USP40: variants seen among roughly 807,000 people sequenced by gnomAD.
USP40 encodes the protein ubiquitin specific peptidase 40, also known as ubiquitin carboxyl-terminal hydrolase 40.
A neutral mutation model predicts 166.2 loss-of-function variants in USP40; 143 were observed. That is an observed-to-expected ratio of 0.86 (90% CI 0.75 to 0.99). The LOEUF (loss-of-function observed/expected upper bound fraction) is 0.99. Ranked by LOEUF, USP40 falls within the 50% of genes least tolerant of loss-of-function variation. USP40 has a pLI of 0.00. For missense variants in USP40, 1,444 were observed against 1,479.7 expected, an observed-to-expected ratio of 0.98 and a Z score of 0.40; for synonymous variants, 498 against 524.0, an observed-to-expected ratio of 0.95 and a Z score of 0.68.
chr2:233,541,144 A>C (rs1041292374), intron 9 of USP40, among the ~76,000 whole-genome samples: 3 of 152,236 alleles, frequency 2.0e-5, no homozygotes, highest in African/African-American at 7.2e-5. Context: ...TTAATGTCTT[A>C]TCTAAATGTT....
At chr2:233,516,087 C>T (rs1189443216) in intron 18 of USP40, among the ~76,000 whole-genome samples, 1 of 152,086 alleles carries the variant, frequency 6.6e-6, no homozygotes, top group Non-Finnish European at 1.5e-5. Context: ...TTTAAACAGC[C>T]CTTTACTAGT....
intron 4 of USP40, among the ~76,000 whole-genome samples, chr2:233,558,371 TAA>T (rs369795373): frequency 7.1e-6 from 1 of 141,338 alleles, no homozygotes; most frequent in Non-Finnish European, 1.6e-5. Context: ...ATGACTAGAT[TAA>T]AAAAAAAAAA....
chr2:233,543,698 C>G (rs1575323975), intron 8 of USP40, among the ~76,000 whole-genome samples: 1 of 152,216 alleles, frequency 6.6e-6, no homozygotes, highest in African/African-American at 2.4e-5. Flanking sequence ...CTCACAGACA[C>G]AAAATCTGCT....
chr2:233,541,083 A>G (rs1203909827), intron 9 of USP40, among the ~76,000 whole-genome samples: 1 of 152,220 alleles, frequency 6.6e-6, no homozygotes, highest in Non-Finnish European at 1.5e-5. Flanking sequence ...TAAATTACTG[A>G]TATTAAACAA....
At chr2:233,534,248 A>G (rs2068774781) in intron 10 of USP40, among the ~76,000 whole-genome samples, 1 of 152,222 alleles carries the variant, frequency 6.6e-6, no homozygotes, top group African/African-American at 2.4e-5. Context: ...ACTAAAGTGA[A>G]TGTTGTCTGT....
At position 233,556,881 on chromosome 2, in the gene USP40, C is replaced by A; in HGVS notation, c.520G>T (p.Glu174Ter). The stretch of plus-strand genomic sequence containing the variant: ...TGCCTCTCGCTAACGTTCTTACATT[C>A]TTTACAAACAATCTGGTTAACAATG... The part of the protein sequence containing the change: ...GTIVNQIVCK[E>*]CKNVSERQED... The change falls in exon 5 of 32, where the codon GAA becomes TAA. Residue 174 changes from glutamate to a stop codon, truncating the protein, a stop_gained. Transcript: ENST00000678225. LOFTEE classifies it high-confidence loss of function. 1 of 1,612,302 alleles carries A rather than the reference C, an allele frequency of 6.2e-7. No individual in the cohort carries two copies. Among genetic ancestry groups the A allele is most frequent in the Non-Finnish European group, 8.5e-7 (1 of 1,179,484 alleles).
intron 30 of USP40, among the ~76,000 whole-genome samples, chr2:233,482,853 C>T (rs764245001): frequency 7.2e-5 from 11 of 152,156 alleles, no homozygotes; most frequent in Admixed American, 1.3e-4. Context: ...GGAGTTCCCA[C>T]GGTCTCACTA....
intron 25 of USP40, chr2:233,491,465 A>G: frequency 6.9e-6 from 4 of 580,720 alleles, no homozygotes; most frequent in Non-Finnish European, 1.2e-5. Flanking sequence ...GGTCTGTGAC[A>G]CTTATGCCCC....
At chr2:233,545,323 T>C (rs1168321015) in intron 8 of USP40, among the ~76,000 whole-genome samples, 2 of 152,300 alleles carry the variant, frequency 1.3e-5, no homozygotes, top group African/African-American at 2.4e-5. Context: ...GCCCAACATA[T>C]GACAAGTTGA....
chr2:233,547,090 C>T (rs2070019090), intron 8 of USP40: 1 of 151,990 alleles, frequency 6.6e-6, no homozygotes, highest in African/African-American at 2.4e-5. Context: ...AAATGGAAGG[C>T]AAAGGATTTG....
chr2:233,566,465 C>G (rs1291239386), intron 1 of USP40, among the ~76,000 whole-genome samples: 1 of 152,236 alleles, frequency 6.6e-6, no homozygotes, highest in Non-Finnish European at 1.5e-5. Context: ...TTCCCAACTC[C>G]TACGGCCGGC....
intron 18 of USP40, among the ~76,000 whole-genome samples, chr2:233,516,736 T>G (rs181497031): frequency 1.1e-3 from 170 of 151,408 alleles, no homozygotes; most frequent in African/African-American, 3.8e-3. Context: ...CAGGTGCCTG[T>G]AACCCAGATA....
chr2:233,478,146 A>G lies in USP40; in HGVS notation c.3600-643T>C, dbSNP rs187188983. 4.0e-4 allele frequency among the ~76,000 whole-genome samples: 61 copies of G among 152,378 alleles called. No homozygotes were observed. The East Asian group carries it at 6.9e-3, about 17-fold the overall frequency. ...TACGGCCAGAATCTGGCCATGGTGA[A>G]TGAAGCTGCCTTGTAATTTTGGGGA... On this transcript the variant is annotated intron_variant, in intron 31 of 31. Coordinates refer to ENST00000678225, the MANE Select transcript of USP40 (RefSeq NM_001365479.2).
At chr2:233,483,356 T>C (rs975104972) in intron 30 of USP40, among the ~76,000 whole-genome samples, 2 of 152,066 alleles carry the variant, frequency 1.3e-5, no homozygotes, top group Admixed American at 6.6e-5. Context: ...CCGGGCATAA[T>C]GGCACGTGCC....
At chr2:233,511,624 A>G (rs533766213) in intron 20 of USP40, 85 bp downstream of exon 20, 7 of 992,050 alleles carry the variant, frequency 7.1e-6, no homozygotes, top group African/African-American at 5.0e-5. Flanking sequence ...GAGAAAAACA[A>G]TATTACTGGA....
In USP40 at chr2:233,533,525, G is replaced by A; in HGVS notation, c.1425C>T (p.Ala475=). The change falls in exon 11 of 32, where the codon GCC becomes GCT. Residue 475 remains alanine, a synonymous_variant. Coordinates refer to ENST00000678225, the MANE Select transcript of USP40 (RefSeq NM_001365479.2). ...GGGATTTCCGATAAAACAACATGTA[G>A]GCACTTTCTTTACCCTGAAATTGCT... ...IEQQFQGKES[A]YMLFYRKSQL... is the part of the protein sequence containing the mutation. The A allele has an allele frequency of 6.2e-7, 1 of 1,613,752 alleles. No homozygotes were observed. The highest frequency in any genetic ancestry group is 2.2e-5 in the East Asian group (1 of 44,874).
chr2:233,499,935 C>G lies in USP40; in HGVS notation c.2614-20G>C, dbSNP rs763399414. 6.8e-6 allele frequency: 11 copies of G among 1,608,718 alleles called. No individual in the cohort carries two copies. In the Admixed American group the frequency reaches 1.3e-4, roughly 20 times the overall value. On this transcript the variant is annotated intron_variant, in intron 21 of 31. Coordinates refer to ENST00000678225, the MANE Select transcript of USP40 (RefSeq NM_001365479.2). ...TAAACACTGTAAAGAAAAACAATGT[C>G]CAATGTTAGTTTTCTGTTTCTGAGT...
intron 24 of USP40, among the ~76,000 whole-genome samples, chr2:233,494,915 C>CATTTTT (rs1265219527): frequency 3.5e-4 from 4 of 11,372 alleles, no homozygotes; most frequent in East Asian, 3.5e-3. Context: ...AGCAAAATGG[C>CATTTTT]ATATATATAT....
intron 30 of USP40, among the ~76,000 whole-genome samples, chr2:233,484,003 C>A (rs974090230): frequency 6.6e-6 from 1 of 152,192 alleles, no homozygotes; most frequent in African/African-American, 2.4e-5. Flanking sequence ...TGTCCATGAG[C>A]CTGTTTGTCT....
Sources: allele counts gnomAD v4.1 joint callset (sites outside exome capture counted in the v4.1 genomes callset), GRCh38; gene constraint gnomAD v4.1.1; transcripts MANE v1.5; gene names NCBI Gene and HGNC (gene_info 2026-07-23, HGNC 2026-07-21).